SUPT3H: variants seen among roughly 807,000 people sequenced by gnomAD.
The protein encoded by SUPT3H is transcription initiation protein SPT3 homolog.
SUPT3H carries 44 observed loss-of-function variants against 44.3 expected under a neutral mutation model. That is an observed-to-expected ratio of 0.99 (90% CI 0.78 to 1.28). SUPT3H has a LOEUF of 1.28. Ranked by LOEUF, SUPT3H falls within the 50% of genes most tolerant of loss-of-function variation. The probability of loss-of-function intolerance (pLI) is 0.00; values close to 1 mark genes in which losing one functional copy is unlikely to be tolerated. For missense variants in SUPT3H, 380 were observed against 387.1 expected (o/e 0.98, Z 0.15); for synonymous variants, 124 against 125.6 (o/e 0.99, Z 0.09).
At chr6:44,981,869 GAA>G (rs374909903) in intron 6 of SUPT3H, among the ~76,000 whole-genome samples, 14 of 129,026 alleles carry the variant, frequency 1.1e-4, no homozygotes, top group Admixed American at 2.4e-4. Flanking sequence ...TACATGACAT[GAA>G]AAAAAAAAAA....
At chr6:45,239,293 T>A (rs1221400298) in intron 2 of SUPT3H, among the ~76,000 whole-genome samples, 1 of 152,230 alleles carries the variant, frequency 6.6e-6, no homozygotes, top group African/African-American at 2.4e-5. Flanking sequence ...AGCTCATACA[T>A]GTCTTCCAGG....
intron 2 of SUPT3H, among the ~76,000 whole-genome samples, chr6:45,241,191 A>C (rs1178547777): frequency 6.6e-6 from 1 of 150,410 alleles, no homozygotes; most frequent in African/African-American, 2.4e-5. Flanking sequence ...AAAAAGGGGG[A>C]CATGTTGGGA....
chr6:45,057,225 A>G (rs1425162578), intron 3 of SUPT3H, among the ~76,000 whole-genome samples: 1 of 152,224 alleles, frequency 6.6e-6, no homozygotes, highest in East Asian at 1.9e-4. Context: ...CCTTCTTATT[A>G]TGGACTCAAT....
chr6:45,220,701 T>G (rs1765889532), intron 2 of SUPT3H, among the ~76,000 whole-genome samples: 1 of 152,106 alleles, frequency 6.6e-6, no homozygotes, highest in Admixed American at 6.5e-5. Flanking sequence ...AAAAGCCTCC[T>G]GGAAAAAAAT....
chr6:45,307,484 C>T (rs1409102410), intron 2 of SUPT3H, among the ~76,000 whole-genome samples: 4 of 152,196 alleles, frequency 2.6e-5, no homozygotes, highest in Admixed American at 1.3e-4. Flanking sequence ...CTGCAGCCTC[C>T]GCTGCTGATA....
At chr6:44,886,159 CG>C (rs1350410691) in intron 10 of SUPT3H, among the ~76,000 whole-genome samples, 6 of 152,052 alleles carry the variant, frequency 3.9e-5, no homozygotes, top group African/African-American at 1.2e-4. Flanking sequence ...CTGAAAGTGA[CG>C]GGGGAGAATG....
chr6:45,060,534 CA>C (rs1791826318), intron 3 of SUPT3H, among the ~76,000 whole-genome samples: 1 of 151,746 alleles, frequency 6.6e-6, no homozygotes, highest in Admixed American at 6.6e-5. Flanking sequence ...CAGGCATGGG[CA>C]AAGATTTCAT....
chr6:45,219,446 C>A (rs1031349582), intron 2 of SUPT3H, among the ~76,000 whole-genome samples: 1 of 151,084 alleles, frequency 6.6e-6, no homozygotes, highest in South Asian at 2.1e-4. Context: ...ATGAAAAAAA[C>A]GACATTACCA....
intron 3 of SUPT3H, among the ~76,000 whole-genome samples, chr6:45,082,430 A>G (rs1795935501): frequency 6.6e-6 from 1 of 152,210 alleles, no homozygotes; most frequent in African/African-American, 2.4e-5. Context: ...CCAGCAGCAC[A>G]TCAAAAAGTT....
chr6:45,172,355 G>C (rs780545134), intron 2 of SUPT3H, among the ~76,000 whole-genome samples: 2 of 152,024 alleles, frequency 1.3e-5, no homozygotes, highest in Non-Finnish European at 2.9e-5. Flanking sequence ...ACAGGCATGA[G>C]CCACTGTGCC....
intron 2 of SUPT3H, among the ~76,000 whole-genome samples, chr6:45,160,216 GTTGT>G (rs1375980482): frequency 6.6e-6 from 1 of 152,082 alleles, no homozygotes; most frequent in African/African-American, 2.4e-5. Flanking sequence ...TCACTAAAAT[GTTGT>G]TTATTTTGAA....
chr6:45,134,639 G>A (rs1803994350), intron 2 of SUPT3H, among the ~76,000 whole-genome samples: 1 of 151,972 alleles, frequency 6.6e-6, no homozygotes, highest in Non-Finnish European at 1.5e-5. Context: ...GAAGGCATAG[G>A]ACAGACATTC....
chr6:45,098,655 G>T, intron 3 of SUPT3H: 1 of 329,550 alleles, frequency 3.0e-6, no homozygotes, highest in Non-Finnish European at 5.9e-6. Context: ...CATCTAAAGT[G>T]GGCTTCAATC....
intron 2 of SUPT3H, among the ~76,000 whole-genome samples, chr6:45,125,387 T>G (rs1802283931): frequency 6.6e-6 from 1 of 152,166 alleles, no homozygotes; most frequent in African/African-American, 2.4e-5. Flanking sequence ...CTACAATACT[T>G]TGAACCAAAT....
intron 11 of SUPT3H, among the ~76,000 whole-genome samples, chr6:44,814,242 C>A (rs1343169222): frequency 1.3e-5 from 2 of 152,052 alleles, no homozygotes; most frequent in Non-Finnish European, 2.9e-5. Context: ...AAATAGGATA[C>A]AATTGAAAAC....
intron 3 of SUPT3H, among the ~76,000 whole-genome samples, chr6:45,057,944 G>A (rs1478105704): frequency 6.6e-6 from 1 of 152,138 alleles, no homozygotes; most frequent in African/African-American, 2.4e-5. Flanking sequence ...ACATATCAAT[G>A]TGACGGTTAC....
At chr6:44,811,861 T>TC (rs200819241) in intron 11 of SUPT3H, among the ~76,000 whole-genome samples, 15 of 146,652 alleles carry the variant, frequency 1.0e-4, no homozygotes, top group African/African-American at 3.0e-4. Flanking sequence ...GGGTTGGTCT[T>TC]TTTTTTTTTT....
chr6:45,029,018 A>G (rs1786495195), intron 3 of SUPT3H, among the ~76,000 whole-genome samples: 1 of 151,894 alleles, frequency 6.6e-6, no homozygotes, highest in Non-Finnish European at 1.5e-5. Flanking sequence ...TTTGAAAGGA[A>G]ATGTATTTGT....
At chr6:44,867,362 AACT>A (rs1252678350) in intron 10 of SUPT3H, among the ~76,000 whole-genome samples, 1 of 152,000 alleles carries the variant, frequency 6.6e-6, no homozygotes, top group Non-Finnish European at 1.5e-5. Flanking sequence ...GCTGGTTTCG[AACT>A]CCTGACCTCA....
Sources: gnomAD v4.1 joint callset for allele counts (sites outside exome capture counted in the v4.1 genomes callset) on GRCh38, gnomAD v4.1.1 for gene constraint, MANE v1.5 for transcripts, NCBI Gene and HGNC (gene_info 2026-07-23, HGNC 2026-07-21) for gene names.